The following RAB3B variants were observed in gnomAD, a reference collection of about 807,000 sequenced individuals.
RAB3B encodes RAB3B, member RAS oncogene family, also known as ras-related protein Rab-3B.
A neutral mutation model predicts 20.5 loss-of-function variants in RAB3B; 11 were observed. That is an observed-to-expected ratio of 0.54 (90% confidence interval 0.34 to 0.89). RAB3B has a LOEUF of 0.89. Ranked by LOEUF, RAB3B falls within the 40% of genes least tolerant of loss-of-function variation. The pLI is 0.02. For synonymous variants in RAB3B, 99 were observed against 106.3 expected (o/e 0.93, Z 0.42); for missense variants, 225 against 280.9 (o/e 0.80, Z 1.42).
At chr1:51,941,437 A>G (rs1276064302) in intron 2 of RAB3B, among the ~76,000 whole-genome samples, 1 of 152,238 alleles carries the variant, frequency 6.6e-6, no homozygotes, top group Non-Finnish European at 1.5e-5. Flanking sequence ...AAGGCTGGTT[A>G]GAAGATCTTT....
Position 51,980,876 on chromosome 1 carries a change from G to A in RAB3B, c.1-3759C>T, listed in dbSNP as rs999379935. On this transcript the variant is annotated intron_variant, in intron 1 of 4. Coordinates refer to ENST00000371655, the MANE Select transcript of RAB3B (RefSeq NM_002867.4). ...CTATTTCCTGGAGAAAAATAAAATGGAAATTGTACTTTAAAAAAAAGCCAT... is the reference window on the plus strand; with the variant it reads ...CTATTTCCTGGAGAAAAATAAAATGAAAATTGTACTTTAAAAAAAAGCCAT... The A allele has an allele frequency of 4.9e-6, 3 of 611,214 alleles. No homozygotes were observed. In the African/African-American group the frequency reaches 5.6e-5, roughly 11 times the overall value. The allele number at this position is 611,214 out of a possible 1,614,324, so 37.9% of individuals were successfully genotyped here.
In RAB3B at chr1:51,927,221, G is replaced by A. The variant is rs1170218055; in HGVS notation, c.472+6097C>T. On this transcript the variant is annotated intron_variant, in intron 4 of 4. Coordinates refer to ENST00000371655, the MANE Select transcript of RAB3B (RefSeq NM_002867.4). ...GCAAGGCAGTGTATGAGAGTCTGTG[G>A]GGTCTGAGTCATGAATGCGGAATTG... is the stretch of plus-strand genomic sequence containing the variant. Among the ~76,000 whole-genome samples the A allele has an allele frequency of 5.3e-5, 8 of 152,122 alleles. 1 individual carries two copies. In the South Asian group the frequency reaches 1.5e-3, roughly 28 times the overall value.
At chr1:51,931,299 C>T (rs1357684793) in intron 4 of RAB3B, among the ~76,000 whole-genome samples, 1 of 152,104 alleles carries the variant, frequency 6.6e-6, no homozygotes, top group Non-Finnish European at 1.5e-5. Flanking sequence ...TTCAAGACTC[C>T]ACTTGGGCAT....
At chr1:51,934,361 T>A (rs1684367230) in intron 3 of RAB3B, among the ~76,000 whole-genome samples, 1 of 152,146 alleles carries the variant, frequency 6.6e-6, no homozygotes, top group Non-Finnish European at 1.5e-5. Flanking sequence ...CCACTTAGCC[T>A]CCACCTCCTC....
intron 4 of RAB3B, among the ~76,000 whole-genome samples, chr1:51,925,037 T>C (rs890840378): frequency 5.9e-5 from 9 of 152,192 alleles, no homozygotes; most frequent in Non-Finnish European, 1.2e-4. Flanking sequence ...TTATCTACTC[T>C]GTCCAAAGGC....
At chr1:51,937,258 G>T in intron 3 of RAB3B, 36 bp downstream of exon 3, 1 of 1,499,298 alleles carries the variant, frequency 6.7e-7, no homozygotes, top group Non-Finnish European at 9.3e-7. Flanking sequence ...TTAATGAACA[G>T]TTTGTTAAAT....
intron 3 of RAB3B, among the ~76,000 whole-genome samples, chr1:51,934,573 C>T (rs1472486980): frequency 6.6e-6 from 1 of 151,818 alleles, no homozygotes; most frequent in Non-Finnish European, 1.5e-5. Flanking sequence ...AGATCGAGAC[C>T]ATCCTAGCTA....
intron 2 of RAB3B, among the ~76,000 whole-genome samples, chr1:51,959,612 G>A (rs976208710): frequency 3.3e-5 from 5 of 152,090 alleles, no homozygotes; most frequent in Non-Finnish European, 5.9e-5. Context: ...AGTGCATCCC[G>A]ACTCCCAGCC....
chr1:51,974,678 T>C (rs1346836839), intron 2 of RAB3B, among the ~76,000 whole-genome samples: 1 of 152,204 alleles, frequency 6.6e-6, no homozygotes, highest in East Asian at 1.9e-4. Context: ...AATCAGAAGA[T>C]CTTGTTGAAA....
Position 51,934,614 on chromosome 1 carries a change from T to TA in RAB3B, c.348-1173dup, listed in dbSNP as rs879317393. On this transcript the variant is annotated intron_variant, in intron 3 of 4. Coordinates refer to ENST00000371655, the MANE Select transcript of RAB3B (RefSeq NM_002867.4). ...GTGAAACCCCGTCTCCACTAAAAAT[T>TA]AAAAAAAAAAAATTAGCTGGGCATG... Among the ~76,000 whole-genome samples, 1,184 of 144,670 alleles carry TA rather than the reference T, an allele frequency of 8.2e-3. 24 individuals are homozygous for TA. The highest frequency in any genetic ancestry group is 0.026 in the African/African-American group (1,047 of 39,672). The allele number at this position is 144,670 out of a possible 152,430, so 94.9% of individuals were successfully genotyped here.
At chr1:51,990,374 C>T (rs1042873965) in intron 1 of RAB3B, among the ~76,000 whole-genome samples, 178 bp downstream of exon 1, 3 of 148,028 alleles carry the variant, frequency 2.0e-5, no homozygotes, top group Non-Finnish European at 4.5e-5. Context: ...CCCCTCGGCG[C>T]CCCCTCCCTA....
Position 51,976,996 on chromosome 1 carries a change from C to T in RAB3B, c.122G>A (p.Arg41His), listed in dbSNP as rs747996617. Residue 41 changes from arginine (R) to histidine (H), a missense_variant, in exon 2 of 5, where the codon CGC becomes CAC. Coordinates refer to ENST00000371655, the MANE Select transcript of RAB3B (RefSeq NM_002867.4). ...TGGGGTGAACGTGTCATCAGCATAG[C>T]GGAAGAGGAAGGAGGTCTTGCCAAC... Reference protein sequence around the residue: ...SSVGKTSFLFRYADDTFTPAF... With the variant: ...SSVGKTSFLFHYADDTFTPAF... 7.4e-6 allele frequency: 12 copies of T among 1,614,046 alleles called. No individual in the cohort carries two copies. Among genetic ancestry groups the T allele is most frequent in the East Asian group, 2.2e-5 (1 of 44,892 alleles).
intron 4 of RAB3B, among the ~76,000 whole-genome samples, chr1:51,923,676 C>T (rs1353463932): frequency 6.7e-6 from 1 of 149,334 alleles, no homozygotes; most frequent in African/African-American, 2.5e-5. Flanking sequence ...GATTGCGCCA[C>T]TGCACTCCTG....
chr1:51,986,483 T>G (rs1339313919), intron 1 of RAB3B, among the ~76,000 whole-genome samples: 1 of 152,036 alleles, frequency 6.6e-6, no homozygotes, highest in African/African-American at 2.4e-5. Flanking sequence ...TGTGGTGGTG[T>G]GCACCTGTAG....
intron 2 of RAB3B, among the ~76,000 whole-genome samples, chr1:51,963,283 C>A (rs369979742): frequency 6.6e-6 from 1 of 152,194 alleles, no homozygotes; most frequent in African/African-American, 2.4e-5. Context: ...CTTTCCCTAC[C>A]ACCTTTTCAC....
Position 51,912,554 on chromosome 1 carries a change from A to AAAAAATATATAT in RAB3B, c.*7372_*7373insATATATATTTTT, listed in dbSNP as rs1491223921. On this transcript the variant is annotated 3_prime_UTR_variant, in exon 5 of 5. Coordinates refer to ENST00000371655, the MANE Select transcript of RAB3B (RefSeq NM_002867.4). ...AGACCGTCTCTATTAAAAAAAAAAAAATATATATATATATATATATATATA... is the reference window on the plus strand; with the variant it reads ...AGACCGTCTCTATTAAAAAAAAAAAAAAAAATATATATATATATATATATATATATATATATA... The AAAAAATATATAT allele has an allele frequency of 6.5e-5, 1 of 15,496 alleles. No individual in the cohort carries two copies. The highest frequency in any genetic ancestry group is 1.7e-4 in the African/African-American group (1 of 5,746). The allele number at this position is 15,496 out of a possible 1,614,324, so 1.0% of individuals were successfully genotyped here. A position where few individuals can be genotyped will look rare whatever the true frequency, so the allele number is the denominator to read the frequency against.
Position 51,920,007 on chromosome 1 carries a change from C to G in RAB3B, c.580G>C (p.Asp194His), listed in dbSNP as rs778810781. Residue 194 changes from aspartate to histidine, a missense_variant, in exon 5 of 5, where the codon GAC becomes CAC. Physicochemically the swap from Asp to His is moderately conservative, Grantham distance 81. Coordinates refer to ENST00000371655, the MANE Select transcript of RAB3B (RefSeq NM_002867.4). ...CDKMSDSLDTDPSMLGSSKNT... is the reference protein window; with the variant it reads ...CDKMSDSLDTHPSMLGSSKNT... ...TTGGAGGAGCCCAGCATCGACGGGT[C>G]TGTGTCCAGCGAATCAGACATCTTG... 1 of 1,614,176 alleles carries G rather than the reference C, an allele frequency of 6.2e-7. No individual in the cohort carries two copies. Among genetic ancestry groups the G allele is most frequent in the Admixed American group, 1.7e-5 (1 of 60,016 alleles).
Position 51,962,620 on chromosome 1 carries a change from G to C in RAB3B, c.228+14270C>G, listed in dbSNP as rs143544110. Among the ~76,000 whole-genome samples the C allele has an allele frequency of 5.6e-4, 85 of 152,250 alleles. 1 individual carries two copies. The highest frequency in any genetic ancestry group is 2.0e-3 in the African/African-American group (81 of 41,538). On this transcript the variant is annotated intron_variant, in intron 2 of 4. Coordinates refer to ENST00000371655, the MANE Select transcript of RAB3B (RefSeq NM_002867.4). The stretch of plus-strand genomic sequence containing the variant: ...CATCCCTGATCACTGGACTCCAATT[G>C]CCATATAGCTCAGTACATCATCATC...
intron 2 of RAB3B, among the ~76,000 whole-genome samples, chr1:51,938,872 G>A (rs2124258656): frequency 6.6e-6 from 1 of 152,012 alleles, no homozygotes; most frequent in East Asian, 1.9e-4. Context: ...TGTTGCCCAG[G>A]CTGGTCTCAA....
Sources: allele counts gnomAD v4.1 joint callset (sites outside exome capture counted in the v4.1 genomes callset), GRCh38; gene constraint gnomAD v4.1.1; transcripts MANE v1.5; gene names NCBI Gene and HGNC (gene_info 2026-07-23, HGNC 2026-07-21).